The following GPC1 variants were observed in gnomAD, a reference collection of about 807,000 sequenced individuals.
GPC1 encodes glypican-1.
A neutral mutation model predicts 51.5 loss-of-function variants in GPC1; 26 were observed. That is an observed-to-expected ratio of 0.50 (90% confidence interval 0.37 to 0.70). GPC1 has a LOEUF of 0.70. Ranked by LOEUF, GPC1 falls within the 30% of genes least tolerant of loss-of-function variation. The pLI, the probability that GPC1 is intolerant of heterozygous loss-of-function variation, is 0.00. For synonymous variants in GPC1, 380 were observed against 348.3 expected, an observed-to-expected ratio of 1.09 and a Z score of -1.01; for missense variants, 775 against 800.5, an observed-to-expected ratio of 0.97 and a Z score of 0.38.
intron 1 of GPC1, chr2:240,456,852 A>G (rs1209150525): frequency 9.7e-6 from 3 of 308,330 alleles, no homozygotes; most frequent in Non-Finnish European, 2.0e-5. Context: ...CCTGTGTCCC[A>G]GTCTTCTTGC....
chr2:240,459,081 T>G lies in GPC1; in HGVS notation c.218T>G (p.Met73Arg). Residue 73 changes from methionine to arginine, a missense_variant, in exon 2 of 9, where the codon ATG becomes AGG. Physicochemically the swap from Met to Arg is moderately conservative, Grantham distance 91. Transcript: ENST00000264039. ...PQGYTCCTSE[M>R]EENLANRSHA... ...GGCTACACCTGCTGCACCAGCGAGA[T>G]GGAGGAGAACCTGGCCAACCGCAGC... 6.2e-7 allele frequency: 1 copy of G among 1,612,782 alleles called. No individual in the cohort carries two copies.
At chr2:240,454,457 AGGGTTC>A (rs921464971) in intron 1 of GPC1, among the ~76,000 whole-genome samples, 4 of 152,106 alleles carry the variant, frequency 2.6e-5, no homozygotes, top group Non-Finnish European at 5.9e-5. Context: ...CTTCGAGAAG[AGGGTTC>A]GGGCTTGGGG....
rs1325999576 is a variant in GPC1 at position 240,453,598 on chromosome 2, T to C, written c.167-5432T>C. ...CTGCGACAAGCCCCTTCCCCGCCAA[T>C]CGCGGCGCCCCCCTCCCCTCGCCTG... On this transcript the variant is annotated intron_variant, in intron 1 of 8. Transcript: ENST00000264039. Among the ~76,000 whole-genome samples, 3 of 89,848 alleles carry C rather than the reference T, an allele frequency of 3.3e-5. No homozygotes were observed. In the East Asian group the frequency reaches 1.2e-3, roughly 35 times the overall value. 58.9% of individuals were successfully genotyped at this position (89,848 alleles called of 152,430 possible).
In GPC1 at chr2:240,466,076, C is replaced by G. The variant is rs747944282; in HGVS notation, c.1463C>G (p.Ser488Trp). The G allele has an allele frequency of 5.6e-6, 9 of 1,610,568 alleles. No homozygotes were observed. Among genetic ancestry groups the G allele is most frequent in the Non-Finnish European group, 7.6e-6 (9 of 1,178,618 alleles). The change falls in exon 9 of 9, where the codon TCG becomes TGG. Residue 488 changes from serine (S) to tryptophan (W), a missense_variant. Physicochemically the swap from Ser to Trp is radical, Grantham distance 177 (BLOSUM62 -3). Transcript: ENST00000264039. ...FQDASDDGSG[S>W]GSGDGCLDDL... ...TTCCCAGGTGACGACGGCAGCGGCT[C>G]GGGCAGCGGTGATGGCTGTCTGGAT...
chr2:240,466,003 C>T (rs1251259389), intron 8 of GPC1, 55 bp from the exon 9 acceptor site: 12 of 1,116,174 alleles, frequency 1.1e-5, no homozygotes, highest in African/African-American at 1.5e-5. Context: ...CAGGGTGGTG[C>T]TGCACTGGGG....
chr2:240,456,785 C>A, intron 1 of GPC1: 1 of 359,980 alleles, frequency 2.8e-6, no homozygotes. Flanking sequence ...GGGACTGGGG[C>A]AGAATCCCAT....
intron 1 of GPC1, among the ~76,000 whole-genome samples, chr2:240,455,442 G>A (rs879899306): frequency 1.3e-5 from 2 of 152,206 alleles, no homozygotes; most frequent in South Asian, 2.1e-4. Flanking sequence ...GGGGTGGGCC[G>A]GAAGGGCCCA....
In GPC1 at chr2:240,450,232, G is replaced by A. The variant is rs147152933; in HGVS notation, c.167-8798G>A. The A allele has an allele frequency of 2.3e-3, 718 of 318,686 alleles. 4 individuals carry two copies. Among genetic ancestry groups the A allele is most frequent in the Middle Eastern group, 0.011 (10 of 876 alleles). 19.7% of individuals were successfully genotyped at this position (318,686 alleles called of 1,614,324 possible). On this transcript the variant is annotated intron_variant, in intron 1 of 8. Coordinates refer to ENST00000264039, the MANE Select transcript of GPC1 (RefSeq NM_002081.3). ...GGCAGGCAGGCAGAGGTGCCTGGGC[G>A]GCCACCAACTCATCAAAGCCCTAGG... is the stretch of plus-strand genomic sequence containing the variant.
At position 240,467,526 on chromosome 2, in the gene GPC1, C is replaced by T. The variant is rs376738927; in HGVS notation, c.*1236C>T. The T allele has an allele frequency of 4.6e-5, 7 of 152,462 alleles. No individual in the cohort carries two copies. Among genetic ancestry groups the T allele is most frequent in the African/African-American group, 1.7e-4 (7 of 41,582 alleles). 9.4% of individuals were successfully genotyped at this position (152,462 alleles called of 1,614,324 possible). ...CCAGGCCTGGACGGGCCCTCCTTCC[C>T]TCCTGTGCCCCAGCTGCCAGGCGGC... On this transcript the variant is annotated 3_prime_UTR_variant, in exon 9 of 9. Transcript: ENST00000264039.
chr2:240,456,589 C>T (rs932080927), intron 1 of GPC1: 15 of 470,574 alleles, frequency 3.2e-5, no homozygotes, highest in African/African-American at 8.0e-5. Context: ...CACTGCCCAG[C>T]CCATTACCAT....
chr2:240,452,973 CCCAGA>C (rs1182869642), intron 1 of GPC1: 5 of 355,504 alleles, frequency 1.4e-5, no homozygotes, highest in Non-Finnish European at 2.8e-5. Context: ...AGCACCTGCA[CCCAGA>C]GCCCGCGCGC....
At chr2:240,458,418 GCAC>G (rs1414249565) in intron 1 of GPC1, 1 of 220,386 alleles carries the variant, frequency 4.5e-6, no homozygotes. Context: ...GGCACAGGGT[GCAC>G]CCTGCAGGGC....
intron 5 of GPC1, 42 bp downstream of exon 5, chr2:240,464,788 C>T (rs1250503219): frequency 1.3e-6 from 2 of 1,579,186 alleles, no homozygotes; most frequent in Admixed American, 3.7e-5. Context: ...GGGTGGGGGT[C>T]CTGGATGTGG....
In GPC1 at chr2:240,466,527, T is replaced by A; in HGVS notation, c.*237T>A. 1 of 541,772 alleles carries A rather than the reference T, an allele frequency of 1.8e-6. No homozygotes were observed. Among genetic ancestry groups the A allele is most frequent in the Non-Finnish European group, 3.3e-6 (1 of 306,008 alleles). The allele number at this position is 541,772 out of a possible 1,614,324, so 33.6% of individuals were successfully genotyped here. A position where few individuals can be genotyped will look rare whatever the true frequency, so the allele number is the denominator to read the frequency against. ...TGGGAGCCAGTGTGCCCAAAAGCCA[T>A]GTATTTCAGGGACCTCAGGGGCACC... On this transcript the variant is annotated 3_prime_UTR_variant, in exon 9 of 9. Transcript: ENST00000264039.
Position 240,435,809 on chromosome 2 carries a change from C to A in GPC1, c.-110C>A. On this transcript the variant is annotated 5_prime_UTR_variant, in exon 1 of 9. Coordinates refer to ENST00000264039, the MANE Select transcript of GPC1 (RefSeq NM_002081.3). ...CCGCCGCCGCCTCTGGACCGCGAGC[C>A]GCGCGCGCCGGGACCTTGGCTCTGC... 1 of 703,058 alleles carries A rather than the reference C, an allele frequency of 1.4e-6. No homozygotes were observed. Among genetic ancestry groups the A allele is most frequent in the Non-Finnish European group, 1.9e-6 (1 of 516,526 alleles). The allele number at this position is 703,058 out of a possible 1,614,324, so 43.6% of individuals were successfully genotyped here. A position where few individuals can be genotyped will look rare whatever the true frequency, so the allele number is the denominator to read the frequency against.
intron 1 of GPC1, among the ~76,000 whole-genome samples, chr2:240,444,106 C>T (rs573053481): frequency 6.6e-6 from 1 of 152,326 alleles, no homozygotes; most frequent in East Asian, 1.9e-4. Flanking sequence ...GGCCCGGCTT[C>T]TTTGCAGCTC....
chr2:240,450,708 C>CTA, intron 1 of GPC1: 1 of 468,550 alleles, frequency 2.1e-6, no homozygotes, highest in South Asian at 1.6e-5. Flanking sequence ...GTGGGCCATG[C>CTA]TGGCAGTGGG....
intron 1 of GPC1, among the ~76,000 whole-genome samples, chr2:240,440,732 C>T (rs112272074): frequency 8.6e-6 from 1 of 115,936 alleles, no homozygotes; most frequent in Non-Finnish European, 1.8e-5. Flanking sequence ...TCCCTGCCTC[C>T]GGTCCTGCCC....
intron 1 of GPC1, chr2:240,453,120 C>G (rs1390544646): frequency 3.7e-6 from 1 of 273,084 alleles, no homozygotes; most frequent in Non-Finnish European, 7.2e-6. Flanking sequence ...CCATCTCCAC[C>G]CGCTCCTCGT....
Sources: gnomAD v4.1 joint callset for allele counts (sites outside exome capture counted in the v4.1 genomes callset) on GRCh38, gnomAD v4.1.1 for gene constraint, MANE v1.5 for transcripts, NCBI Gene and HGNC (gene_info 2026-07-23, HGNC 2026-07-21) for gene names.